ETV6: variants seen among roughly 807,000 people sequenced by gnomAD.
ETV6 encodes ETS variant transcription factor 6, also known as transcription factor ETV6.
ETV6 carries 16 observed loss-of-function variants against 51.1 expected under a neutral mutation model. That is an observed-to-expected ratio of 0.31 (90% confidence interval 0.21 to 0.48). The LOEUF is 0.48. Among genes scored for constraint, ETV6 ranks in the 20% least tolerant of loss-of-function variants. The pLI is 0.99. For synonymous variants in ETV6, 240 were observed against 224.1 expected (o/e 1.07, Z -0.64); for missense variants, 458 against 594.8 (o/e 0.77, Z 2.39).
intron 2 of ETV6, among the ~76,000 whole-genome samples, chr12:11,821,225 G>T (rs1469852623): frequency 2.0e-5 from 3 of 152,234 alleles, no homozygotes; most frequent in Non-Finnish European, 4.4e-5. Context: ...AATTAGCTGG[G>T]TGTGGTGGTG....
intron 2 of ETV6, among the ~76,000 whole-genome samples, chr12:11,760,787 A>G (rs1002085384): frequency 5.9e-5 from 9 of 152,010 alleles, no homozygotes; most frequent in African/African-American, 1.7e-4. Context: ...TCTGAGGTCA[A>G]CCGTGTTTAA....
chr12:11,752,741 T>C lies in ETV6; in HGVS notation c.163+162T>C, dbSNP rs72552358. The C allele has an allele frequency of 7.3e-3, 5,313 of 729,530 alleles. 231 individuals are homozygous for C. In the African/African-American group the frequency reaches 0.085, roughly 12 times the overall value. The allele number at this position is 729,530 out of a possible 1,614,324, so 45.2% of individuals were successfully genotyped here. ...CACACCCCCCTACCCCCAGATACCT[T>C]TGAAAAATTTGAGGTTCCTGTTCCT... On this transcript the variant is annotated intron_variant, in intron 2 of 7. Coordinates refer to ENST00000396373, the MANE Select transcript of ETV6 (RefSeq NM_001987.5).
At chr12:11,801,080 G>A (rs1268106821) in intron 2 of ETV6, among the ~76,000 whole-genome samples, 1 of 152,074 alleles carries the variant, frequency 6.6e-6, no homozygotes, top group Non-Finnish European at 1.5e-5. Flanking sequence ...TTTATTCATC[G>A]AAAATTTGTC....
chr12:11,672,871 C>T (rs928949), intron 1 of ETV6, among the ~76,000 whole-genome samples: 138,607 of 152,248 alleles, frequency 0.91, 64,087 homozygotes, highest in Non-Finnish European at 0.99. Flanking sequence ...TGATCAGAAC[C>T]GTGGAAGAGT....
intron 2 of ETV6, among the ~76,000 whole-genome samples, chr12:11,821,539 T>A (rs1002910054): frequency 1.3e-5 from 2 of 150,422 alleles, no homozygotes; most frequent in Admixed American, 1.3e-4. Flanking sequence ...CTATTAAGCA[T>A]CAAAATGGAG....
At chr12:11,686,339 A>G (rs943217113) in intron 1 of ETV6, among the ~76,000 whole-genome samples, 3 of 152,194 alleles carry the variant, frequency 2.0e-5, no homozygotes, top group Non-Finnish European at 4.4e-5. Context: ...TATTTACTCA[A>G]GCACTCTTCC....
chr12:11,657,452 T>C (rs1415413621), intron 1 of ETV6, among the ~76,000 whole-genome samples: 1 of 152,234 alleles, frequency 6.6e-6, no homozygotes, highest in East Asian at 1.9e-4. Context: ...TGTTATGAGA[T>C]TTAAGAAGTG....
intron 4 of ETV6, among the ~76,000 whole-genome samples, chr12:11,868,537 A>C (rs2136536822): frequency 6.6e-6 from 1 of 150,448 alleles, no homozygotes; most frequent in South Asian, 2.1e-4. Flanking sequence ...TCCTGGGTTC[A>C]AGCGATTCTC....
At position 11,683,321 on chromosome 12, in the gene ETV6, G is replaced by T. The variant is rs921753724; in HGVS notation, c.33+33161G>T. On this transcript the variant is annotated intron_variant, in intron 1 of 7. Transcript: ENST00000396373. ...GGCCTTTCAAAGTGCTGGGATTACA[G>T]GCATGAGCTACTGAGCCAGGCCATG... Among the ~76,000 whole-genome samples the T allele has an allele frequency of 1.2e-3, 182 of 152,316 alleles. 2 individuals carry two copies. Among genetic ancestry groups the T allele is most frequent in the African/African-American group, 4.2e-3 (176 of 41,584 alleles).
At chr12:11,734,748 G>A (rs1953871700) in intron 1 of ETV6, among the ~76,000 whole-genome samples, 1 of 151,888 alleles carries the variant, frequency 6.6e-6, no homozygotes, top group African/African-American at 2.4e-5. Context: ...TATAGATGAG[G>A]AAACTTAGGC....
At chr12:11,837,151 A>G (rs1042523104) in intron 2 of ETV6, among the ~76,000 whole-genome samples, 1 of 152,218 alleles carries the variant, frequency 6.6e-6, no homozygotes, top group Non-Finnish European at 1.5e-5. Flanking sequence ...TCCCATATCC[A>G]TGGACTGTTT....
At chr12:11,867,675 C>G (rs892025715) in intron 4 of ETV6, among the ~76,000 whole-genome samples, 5 of 152,190 alleles carry the variant, frequency 3.3e-5, no homozygotes, top group African/African-American at 1.2e-4. Flanking sequence ...TTACGGAATT[C>G]ACTTTATGTG....
chr12:11,833,494 T>C (rs1257622815), intron 2 of ETV6, among the ~76,000 whole-genome samples: 1 of 152,236 alleles, frequency 6.6e-6, no homozygotes, highest in Non-Finnish European at 1.5e-5. Flanking sequence ...TAGTCATAAA[T>C]TTAATTTGAT....
chr12:11,657,778 C>T (rs1268943992), intron 1 of ETV6, among the ~76,000 whole-genome samples: 2 of 152,206 alleles, frequency 1.3e-5, no homozygotes, highest in African/African-American at 4.8e-5. Flanking sequence ...TTAGTGTTGC[C>T]ACAGTGTAGT....
At chr12:11,729,918 G>A (rs1034269545) in intron 1 of ETV6, among the ~76,000 whole-genome samples, 5 of 152,102 alleles carry the variant, frequency 3.3e-5, no homozygotes, top group African/African-American at 9.7e-5. Flanking sequence ...ATCCCTATGT[G>A]TTTTTTGCTG....
chr12:11,891,620 A>G lies in ETV6; in HGVS notation c.*574A>G, dbSNP rs1240270944. 1.9e-6 allele frequency: 1 copy of G among 529,936 alleles called. No homozygotes were observed. Among genetic ancestry groups the G allele is most frequent in the Admixed American group, 2.3e-5 (1 of 43,718 alleles). The allele number at this position is 529,936 out of a possible 1,614,324, so 32.8% of individuals were successfully genotyped here. ...TGGCTGAAAAAAAAAAATGCTTTTAAAAAAGATAAAATGAAAAGGAGAGCT... is the reference window on the plus strand; with the variant it reads ...TGGCTGAAAAAAAAAAATGCTTTTAGAAAAGATAAAATGAAAAGGAGAGCT... On this transcript the variant is annotated 3_prime_UTR_variant, in exon 8 of 8. Coordinates refer to ENST00000396373, the MANE Select transcript of ETV6 (RefSeq NM_001987.5).
chr12:11,680,784 C>A (rs1214926683), intron 1 of ETV6, among the ~76,000 whole-genome samples: 2 of 152,172 alleles, frequency 1.3e-5, no homozygotes, highest in African/African-American at 4.8e-5. Context: ...TAAAGCAGCC[C>A]TCTCCCTAGC....
chr12:11,860,372 T>C (rs961256980), intron 4 of ETV6, among the ~76,000 whole-genome samples: 1 of 152,106 alleles, frequency 6.6e-6, no homozygotes, highest in Non-Finnish European at 1.5e-5. Context: ...CGTATATGCG[T>C]GCACTCTACA....
chr12:11,675,791 G>A lies in ETV6; in HGVS notation c.33+25631G>A, dbSNP rs1435545125. On this transcript the variant is annotated intron_variant, in intron 1 of 7. Transcript: ENST00000396373. ...ATCATGCCACTGTACTTCACGCTGG[G>A]CAACAGAGTGAGACCTCTGTCTCTA... is the stretch of plus-strand genomic sequence containing the variant. Among the ~76,000 whole-genome samples the A allele has an allele frequency of 4.6e-5, 7 of 152,176 alleles. No homozygotes were observed. The East Asian group carries it at 1.3e-3, about 29-fold the overall frequency.
Sources: gnomAD v4.1 joint callset for allele counts (sites outside exome capture counted in the v4.1 genomes callset) on GRCh38, gnomAD v4.1.1 for gene constraint, MANE v1.5 for transcripts, NCBI Gene and HGNC (gene_info 2026-07-23, HGNC 2026-07-21) for gene names.